The following CRYL1 variants were observed in gnomAD, a reference collection of about 807,000 sequenced individuals.
The protein encoded by CRYL1 is lambda-crystallin homolog.
In CRYL1, 29 loss-of-function variants were observed where a neutral mutation model predicts 36.6. That is an observed-to-expected ratio of 0.79 (90% confidence interval 0.59 to 1.08). The LOEUF (loss-of-function observed/expected upper bound fraction) is 1.08, where lower values mean the gene tolerates loss of function less well. CRYL1 is among the 50% of genes least tolerant of loss of function. CRYL1 has a pLI of 0.00. For synonymous variants in CRYL1, 152 were observed against 151.5 expected (o/e 1.00, Z -0.02); for missense variants, 411 against 407.9 (o/e 1.01, Z -0.06).
chr13:20,477,349 T>TTA (rs200683688), intron 3 of CRYL1, among the ~76,000 whole-genome samples: 2,804 of 150,998 alleles, frequency 0.019, 169 homozygotes, highest in Admixed American at 0.12. Flanking sequence ...AGTAATTAAT[T>TTA]TATATATATA....
intron 3 of CRYL1, among the ~76,000 whole-genome samples, chr13:20,450,889 G>A (rs1455920465): frequency 6.6e-6 from 1 of 151,976 alleles, no homozygotes. Flanking sequence ...CCATAAAAAA[G>A]GATGAGTTCA....
At chr13:20,512,584 T>C (rs753868508) in intron 1 of CRYL1, 34 bp from the exon 2 acceptor site, 1 of 1,495,556 alleles carries the variant, frequency 6.7e-7, no homozygotes, top group Non-Finnish European at 9.2e-7. Context: ...TTCGAGTTAA[T>C]TTAATAATCG....
At chr13:20,420,839 G>A (rs1483434705) in intron 5 of CRYL1, among the ~76,000 whole-genome samples, 5 of 151,204 alleles carry the variant, frequency 3.3e-5, no homozygotes, top group African/African-American at 9.7e-5. Flanking sequence ...GGGTTCAAGC[G>A]ATTCTCCTGC....
At chr13:20,475,501 G>A (rs1037021754) in intron 3 of CRYL1, among the ~76,000 whole-genome samples, 1 of 152,198 alleles carries the variant, frequency 6.6e-6, no homozygotes, top group Non-Finnish European at 1.5e-5. Context: ...ATGATTGGGG[G>A]TGGAGAGTGG....
chr13:20,480,161 C>T (rs1259874612), intron 3 of CRYL1, among the ~76,000 whole-genome samples: 4 of 152,184 alleles, frequency 2.6e-5, no homozygotes, highest in Middle Eastern at 3.4e-3. Context: ...CCAAGGCAGG[C>T]GGACCTGAGG....
chr13:20,482,784 C>T (rs991935865), intron 3 of CRYL1, among the ~76,000 whole-genome samples: 6 of 152,134 alleles, frequency 3.9e-5, no homozygotes, highest in Admixed American at 1.3e-4. Context: ...CACGCACACA[C>T]GCGTCTCCTC....
chr13:20,452,388 T>TGAG (rs2032590640), intron 3 of CRYL1, among the ~76,000 whole-genome samples: 1 of 152,166 alleles, frequency 6.6e-6, no homozygotes, highest in Non-Finnish European at 1.5e-5. Context: ...CTGCTGTTGC[T>TGAG]ATATTAATAT....
At position 20,415,192 on chromosome 13, in the gene CRYL1, C is replaced by A. The variant is rs1368628609; in HGVS notation, c.634-1805G>T. Among the ~76,000 whole-genome samples, 1 of 152,188 alleles carries A rather than the reference C, an allele frequency of 6.6e-6. No individual in the cohort carries two copies. The highest frequency in any genetic ancestry group is 1.5e-5 in the Non-Finnish European group (1 of 68,024). On this transcript the variant is annotated intron_variant, in intron 5 of 7. Transcript: ENST00000298248. The surrounding 1 kb of genome is among the most constrained non-coding windows in gnomAD (Gnocchi z 4.1). ...CTGTCTTTGCCCAGAAGGCCGTCTC[C>A]AAGCTGGGGGCTTGCTCCGCCCGGA...
At chr13:20,451,669 T>C (rs951983650) in intron 3 of CRYL1, among the ~76,000 whole-genome samples, 4 of 152,206 alleles carry the variant, frequency 2.6e-5, no homozygotes, top group African/African-American at 9.6e-5. Context: ...AAGGGAATGC[T>C]CATACACTGT....
intron 3 of CRYL1, among the ~76,000 whole-genome samples, chr13:20,466,129 C>A (rs972670406): frequency 1.3e-5 from 2 of 152,138 alleles, no homozygotes; most frequent in African/African-American, 4.8e-5. Context: ...AAATAAACAT[C>A]TTTTCTTTAT....
Position 20,404,270 on chromosome 13 carries a change from A to G in CRYL1, c.847-28T>C, listed in dbSNP as rs776305700. The G allele has an allele frequency of 2.8e-6, 4 of 1,415,488 alleles. No individual in the cohort carries two copies. In the Admixed American group the frequency reaches 6.7e-5, roughly 24 times the overall value. The allele number at this position is 1,415,488 out of a possible 1,614,324, so 87.7% of individuals were successfully genotyped here. ...GCAAGAAGGAGAAGGAAAAAAAAGG[A>G]CAATAAAGAGGAAATAATTTATCAA... On this transcript the variant is annotated intron_variant, in intron 7 of 7. Transcript: ENST00000298248.
intron 3 of CRYL1, among the ~76,000 whole-genome samples, chr13:20,460,670 C>T (rs982452972): frequency 2.6e-5 from 4 of 151,336 alleles, no homozygotes; most frequent in South Asian, 2.1e-4. Context: ...GGACTACAGG[C>T]GCCCGCCACT....
chr13:20,460,293 C>T (rs2032780931), intron 3 of CRYL1, among the ~76,000 whole-genome samples: 1 of 152,088 alleles, frequency 6.6e-6, no homozygotes, highest in African/African-American at 2.4e-5. Context: ...ATGCTGCCTC[C>T]ATATATAGAA....
At chr13:20,426,425 T>G (rs550107165) in intron 5 of CRYL1, among the ~76,000 whole-genome samples, 1 of 152,204 alleles carries the variant, frequency 6.6e-6, no homozygotes, top group East Asian at 1.9e-4. Flanking sequence ...TAAAATCAAT[T>G]TTTACATCTT....
rs68065363 is a variant in CRYL1 at position 20,414,493 on chromosome 13, A to G, written c.634-1106T>C. On this transcript the variant is annotated intron_variant, in intron 5 of 7. Coordinates refer to ENST00000298248, the MANE Select transcript of CRYL1 (RefSeq NM_015974.3). ...TTTTCTAGATTTCTGCCTAGGACCC[A>G]GGGGGGAGTAAGATTAGAGCCATCA... Among the ~76,000 whole-genome samples the G allele has an allele frequency of 0.075, 11,383 of 152,134 alleles. 1,156 individuals carry two copies. Among genetic ancestry groups the G allele is most frequent in the African/African-American group, 0.22 (9,074 of 41,466 alleles).
At chr13:20,431,123 C>T in intron 5 of CRYL1, 2 of 985,434 alleles carry the variant, frequency 2.0e-6, no homozygotes, top group East Asian at 1.1e-4. Context: ...CGGGAGGCCA[C>T]ATCTGTGATG....
chr13:20,432,783 C>T (rs2032101822), intron 4 of CRYL1, among the ~76,000 whole-genome samples: 2 of 152,114 alleles, frequency 1.3e-5, no homozygotes, highest in African/African-American at 2.4e-5. Flanking sequence ...TTTGGGAGGT[C>T]GAGGTGGAGG....
chr13:20,481,850 G>A lies in CRYL1; in HGVS notation c.276+7520C>T, dbSNP rs1420488504. On this transcript the variant is annotated intron_variant, in intron 3 of 7. Transcript: ENST00000298248. The surrounding 1 kb of genome is among the most constrained non-coding windows in gnomAD (Gnocchi z 4.1). ...TGCTTTAACCCGGGAAGCAGAGGTT[G>A]CAGTGAATCAAGATCGCACCACTGC... is the stretch of plus-strand genomic sequence containing the variant. 6.6e-6 allele frequency among the ~76,000 whole-genome samples: 1 copy of A among 152,174 alleles called. No individual in the cohort carries two copies. The highest frequency in any genetic ancestry group is 1.5e-5 in the Non-Finnish European group (1 of 68,040).
chr13:20,485,625 C>T (rs56074039), intron 3 of CRYL1, among the ~76,000 whole-genome samples: 45 of 151,734 alleles, frequency 3.0e-4, no homozygotes, highest in African/African-American at 4.1e-4. Context: ...GCTGAGATCA[C>T]GCCACTGCAC....
Sources: gnomAD v4.1 joint callset for allele counts (sites outside exome capture counted in the v4.1 genomes callset) on GRCh38, gnomAD v4.1.1 for gene constraint, Gnocchi (gnomAD v3.1) non-coding constraint, MANE v1.5 for transcripts, NCBI Gene and HGNC (gene_info 2026-07-23, HGNC 2026-07-21) for gene names.